Variants in TRPM3 observed in about 807,000 individuals in gnomAD.
TRPM3 encodes transient receptor potential cation channel subfamily M member 3, also known as long transient receptor potential channel 3.
Under a neutral mutation model 181.2 loss-of-function variants are expected in TRPM3, and 77 were observed. The observed-to-expected ratio is 0.42, with a 90% CI of 0.35 to 0.51. The LOEUF (loss-of-function observed/expected upper bound fraction) is 0.51. Ranked by LOEUF, TRPM3 falls within the 20% of genes least tolerant of loss-of-function variation. The pLI, the probability that TRPM3 is intolerant of heterozygous loss-of-function variation, is 0.01. For missense variants in TRPM3, 1,759 were observed against 2,196.7 expected (o/e 0.80, Z 3.98); for synonymous variants, 745 against 796.4 (o/e 0.94, Z 1.09).
At chr9:71,432,934 C>T (rs1420656272) in intron 1 of TRPM3, among the ~76,000 whole-genome samples, 1 of 152,024 alleles carries the variant, frequency 6.6e-6, no homozygotes, top group Non-Finnish European at 1.5e-5. Context: ...TCACCAATTA[C>T]CTTAAACTTA....
At chr9:70,984,820 A>G (rs970609052) in intron 1 of TRPM3, among the ~76,000 whole-genome samples, 2 of 152,222 alleles carry the variant, frequency 1.3e-5, no homozygotes, top group African/African-American at 2.4e-5. Flanking sequence ...ATTTTAAGAG[A>G]ACAAATTAAT....
At chr9:71,267,693 T>C (rs1470471034) in intron 1 of TRPM3, among the ~76,000 whole-genome samples, 2 of 152,222 alleles carry the variant, frequency 1.3e-5, no homozygotes, top group South Asian at 4.1e-4. Flanking sequence ...TGATTATTAA[T>C]TATACTTTTA....
chr9:71,069,858 T>C (rs2062491651), intron 1 of TRPM3, among the ~76,000 whole-genome samples: 2 of 152,088 alleles, frequency 1.3e-5, no homozygotes, highest in Non-Finnish European at 2.9e-5. Flanking sequence ...TCCACCCGCC[T>C]CGGCCTCCCA....
In TRPM3 at chr9:71,101,040, C is replaced by T. The variant is rs2068272665; in HGVS notation, c.177+20138G>A. Among the ~76,000 whole-genome samples the T allele has an allele frequency of 2.6e-5, 4 of 152,018 alleles. No individual in the cohort carries two copies. The South Asian group carries it at 8.3e-4, about 32-fold the overall frequency. The stretch of plus-strand genomic sequence containing the variant: ...TCATGTATCTAAAACCTAAATAAAC[C>T]TTTCTTCTGGGCCATGCCACACCAG... On this transcript the variant is annotated intron_variant, in intron 1 of 25. Coordinates refer to ENST00000677713, the MANE Select transcript of TRPM3 (RefSeq NM_001366145.2).
intron 8 of TRPM3, among the ~76,000 whole-genome samples, chr9:70,745,302 C>T (rs1172103021): frequency 1.3e-5 from 2 of 152,028 alleles, no homozygotes; most frequent in East Asian, 3.9e-4. Context: ...GGCAAATTGA[C>T]TATAAAGACT....
intron 1 of TRPM3, among the ~76,000 whole-genome samples, chr9:70,989,802 A>G (rs1003401311): frequency 4.6e-5 from 7 of 152,222 alleles, no homozygotes; most frequent in Non-Finnish European, 1.0e-4. Context: ...TAAGTTAGAT[A>G]TAATAGAAGC....
At chr9:71,248,746 G>A (rs556810360) in intron 1 of TRPM3, among the ~76,000 whole-genome samples, 2 of 152,054 alleles carry the variant, frequency 1.3e-5, no homozygotes, top group African/African-American at 2.4e-5. Flanking sequence ...TATAATGTAC[G>A]TCCAACTATT....
chr9:70,807,729 A>G (rs1263308995), intron 6 of TRPM3, among the ~76,000 whole-genome samples: 1 of 152,156 alleles, frequency 6.6e-6, no homozygotes, highest in African/African-American at 2.4e-5. Context: ...ATGGGAGACT[A>G]TGAAGGCTCC....
At chr9:71,188,757 C>T (rs1484087247) in intron 1 of TRPM3, among the ~76,000 whole-genome samples, 1 of 151,914 alleles carries the variant, frequency 6.6e-6, no homozygotes, top group South Asian at 2.1e-4. Flanking sequence ...TAGCTACTCA[C>T]TAGCTTTGTG....
intron 1 of TRPM3, among the ~76,000 whole-genome samples, chr9:70,964,838 A>C (rs181040045): frequency 1.2e-4 from 18 of 151,368 alleles, no homozygotes; most frequent in Admixed American, 1.1e-3. Context: ...ACCTTTTCTG[A>C]CTCTTTTCTG....
At chr9:70,826,477 T>C (rs1289574168) in intron 6 of TRPM3, 2 of 152,246 alleles carry the variant, frequency 1.3e-5, no homozygotes, top group African/African-American at 4.8e-5. Context: ...ACAAAATTTA[T>C]TATTTCAGGT....
At chr9:71,008,120 TAA>T (rs1344822592) in intron 1 of TRPM3, among the ~76,000 whole-genome samples, 4 of 151,854 alleles carry the variant, frequency 2.6e-5, no homozygotes, top group Non-Finnish European at 5.9e-5. Context: ...GAAAGGATCA[TAA>T]GAGACTATTA....
intron 22 of TRPM3, among the ~76,000 whole-genome samples, chr9:70,573,972 T>TCTCACACACA (rs371401242): frequency 2.8e-5 from 4 of 140,938 alleles, no homozygotes; most frequent in Non-Finnish European, 3.0e-5. Context: ...GCAATTCATT[T>TCTCACACACA]CACACACACA....
intron 1 of TRPM3, among the ~76,000 whole-genome samples, chr9:70,898,298 A>G (rs866037000): frequency 1.3e-5 from 2 of 150,800 alleles, no homozygotes; most frequent in South Asian, 4.2e-4. Flanking sequence ...AATTTTTTGT[A>G]TTTTTAGTAG....
intron 1 of TRPM3, among the ~76,000 whole-genome samples, chr9:71,020,262 T>G (rs1477498572): frequency 6.6e-6 from 1 of 151,540 alleles, no homozygotes; most frequent in Non-Finnish European, 1.5e-5. Flanking sequence ...AGCCCAGAAG[T>G]TCAAGATTAG....
intron 1 of TRPM3, among the ~76,000 whole-genome samples, chr9:71,420,827 GGGAA>G (rs2093739559): frequency 6.4e-5 from 2 of 31,332 alleles, no homozygotes; most frequent in African/African-American, 1.2e-4. Flanking sequence ...GAGAAAGAGA[GGGAA>G]AGAAAGAGAG....
rs761175305 is a variant in TRPM3, at chr9:70,536,807, G to A, written c.4306C>T (p.Leu1436Phe). 6.2e-7 allele frequency: 1 copy of A among 1,614,048 alleles called. No individual in the cohort carries two copies. The highest frequency in any genetic ancestry group is 8.5e-7 in the Non-Finnish European group (1 of 1,180,034). Residue 1436 changes from leucine to phenylalanine, a missense_variant, in exon 26 of 26, where the codon CTT becomes TTT. Leu to Phe is a conservative substitution (Grantham distance 22). Around this residue, in one of 8 missense-constraint regions of TRPM3, gnomAD observed 612 missense variants for 590.0 expected, o/e 1.04. Coordinates refer to ENST00000677713, the MANE Select transcript of TRPM3 (RefSeq NM_001366145.2). ...GAAAAGCTTGGCTCGCCCAGCCCAA[G>A]GATGTTCACGGAATTGTCCAGAGGG... ...IDPLDNSVNILGLGEPSFSTP... is the reference protein window; with the variant it reads ...IDPLDNSVNIFGLGEPSFSTP...
upstream of TRPM3, among the ~76,000 whole-genome samples, chr9:71,125,982 G>T (rs2074008103): frequency 6.6e-6 from 1 of 152,104 alleles, no homozygotes; most frequent in Admixed American, 6.5e-5. Context: ...TCTGACAGAG[G>T]TCTAATATCC....
chr9:70,818,249 G>T (rs544396285), intron 6 of TRPM3, among the ~76,000 whole-genome samples: 25 of 152,268 alleles, frequency 1.6e-4, no homozygotes, highest in African/African-American at 5.8e-4. Context: ...CATGATTCAT[G>T]AATTTATTCA....
Sources: gnomAD v4.1 joint callset for allele counts (sites outside exome capture counted in the v4.1 genomes callset) on GRCh38, gnomAD v4.1.1 for gene constraint, gnomAD v4.1.1 regional missense constraint, MANE v1.5 for transcripts, NCBI Gene and HGNC (gene_info 2026-07-23, HGNC 2026-07-21) for gene names.